Variants in CHRNE observed in about 807,000 individuals in gnomAD.
CHRNE encodes the protein cholinergic receptor nicotinic epsilon subunit.
Under a neutral mutation model 56.5 loss-of-function variants are expected in CHRNE, and 58 were observed. The observed-to-expected ratio is 1.03, with a 90% CI of 0.83 to 1.28. The LOEUF is 1.28. Ranked by LOEUF, CHRNE falls within the 50% of genes most tolerant of loss-of-function variation. The probability of loss-of-function intolerance (pLI) is 0.00; values close to 1 mark genes in which losing one functional copy is unlikely to be tolerated. For missense variants in CHRNE, 793 were observed against 688.9 expected, an observed-to-expected ratio of 1.15 and a Z score of -1.69; for synonymous variants, 385 against 297.9, an observed-to-expected ratio of 1.29 and a Z score of -3.01.
In CHRNE at chr17:4,899,941, C is replaced by A. The variant is rs764007706; in HGVS notation, c.918-359G>T. 15 of 1,550,328 alleles carry A rather than the reference C, an allele frequency of 9.7e-6. No individual in the cohort carries two copies. In the African/African-American group the frequency reaches 1.1e-4, roughly 11 times the overall value. ...CTGCTCTGCTCCTTCTCCAGGTGGC[C>A]CTCCAGCCCCCGCTTCTGTCTTCCC... On this transcript the variant is annotated intron_variant, in intron 8 of 11. Coordinates refer to ENST00000649488, the MANE Select transcript of CHRNE (RefSeq NM_000080.4).
chr17:4,907,379 T>C (rs372245347), upstream of CHRNE, among the ~76,000 whole-genome samples: 34 of 151,322 alleles, frequency 2.2e-4, no homozygotes, highest in East Asian at 1.2e-3. Flanking sequence ...CTGGCTAGCA[T>C]GGTGAAACCC....
chr17:4,902,101 G>C lies in CHRNE; in HGVS notation c.345-14C>G. Reference sequence around the variant, plus strand: ...TGGCCATCAATACTGTGGGCTCGGGGAAACCGAGCTTTTTGCACAGGTCTG... The same window carrying C: ...TGGCCATCAATACTGTGGGCTCGGGCAAACCGAGCTTTTTGCACAGGTCTG... On this transcript the variant is annotated splice_polypyrimidine_tract_variant and intron_variant, in intron 4 of 11. Transcript: ENST00000649488. This position sits in a 1 kb window ranked among gnomAD's most constrained non-coding sequence, Gnocchi z 4.0. 1 of 1,613,772 alleles carries C rather than the reference G, an allele frequency of 6.2e-7. No homozygotes were observed.
chr17:4,899,458 C>G lies in CHRNE; in HGVS notation c.1032+10G>C. On this transcript the variant is annotated intron_variant, in intron 9 of 11. Transcript: ENST00000649488. ...CCCGACCCGGGCTGCACCGCCCCCT[C>G]CGCGCTTACGTGGCGCAGCCGCGGG... 4.4e-6 allele frequency: 7 copies of G among 1,576,878 alleles called. No individual in the cohort carries two copies. Among genetic ancestry groups the G allele is most frequent in the Non-Finnish European group, 6.0e-6 (7 of 1,162,684 alleles).
In CHRNE at chr17:4,902,707, A is replaced by G. The variant is rs144169073; in HGVS notation, c.103T>C (p.Tyr35His). ...CGCACTGGCCGGCTTCCTGGGTCAT[A>G]GTTGTTGAAGAGATGGTGATAAAGA... ...LRLYHHLFNN[Y>H]DPGSRPVREP... Residue 35 changes from tyrosine (Y) to histidine (H), a missense_variant, in exon 2 of 12, where the codon TAT becomes CAT. Physicochemically the swap from Tyr to His is moderately conservative, Grantham distance 83. Transcript: ENST00000649488. This position sits in a 1 kb window ranked among gnomAD's most constrained non-coding sequence, Gnocchi z 4.0. 1,839 of 1,613,994 alleles carry G rather than the reference A, an allele frequency of 1.1e-3. 1 individual carries two copies. Among genetic ancestry groups the G allele is most frequent in the Non-Finnish European group, 1.4e-3 (1,706 of 1,180,006 alleles).
chr17:4,899,365 G>GGCA lies in CHRNE; in HGVS notation c.1049_1051dup (p.Leu350dup), dbSNP rs1450804557. ...CGGCGGCGGGGAGCCCAGGAGGCGC[G>GGCA]GCAGCAGCTCCAGGAGAACCTGGGG... is the stretch of plus-strand genomic sequence containing the variant. On this transcript the variant is annotated inframe_insertion, in exon 10 of 12. Coordinates refer to ENST00000649488, the MANE Select transcript of CHRNE (RefSeq NM_000080.4). 5 of 1,534,296 alleles carry GGCA rather than the reference G, an allele frequency of 3.3e-6. No homozygotes were observed. Among genetic ancestry groups the GGCA allele is most frequent in the Non-Finnish European group, 4.4e-6 (5 of 1,145,856 alleles).
chr17:4,901,691 C>T, intron 5 of CHRNE, 66 bp from the exon 6 acceptor site: 3 of 1,497,132 alleles, frequency 2.0e-6, no homozygotes, highest in Non-Finnish European at 2.8e-6. Flanking sequence ...CAGGCCCAGC[C>T]CTGGAAGCTG....
intron 8 of CHRNE, chr17:4,900,162 C>T: frequency 3.9e-6 from 6 of 1,547,250 alleles, no homozygotes; most frequent in Admixed American, 2.0e-5. Context: ...TACTGGGGGG[C>T]TTAGGATACG....
rs201030784 is a variant in CHRNE at position 4,898,844 on chromosome 17, G to A, written c.1374C>T (p.Cys458=). 648 of 1,594,754 alleles carry A rather than the reference G, an allele frequency of 4.1e-4. 8 individuals are homozygous for A. In the East Asian group the frequency reaches 0.014, roughly 35 times the overall value. ...TGAAGAGCACCAGAGCGGCCCAGAA[G>A]CAGATGTTGTCAAGGGCATTCCCCA... is the stretch of plus-strand genomic sequence containing the variant. ...VRMGNALDNI[C]FWAALVLFSV... The change falls in exon 12 of 12, where the codon TGC becomes TGT. Residue 458 remains cysteine (C), a synonymous_variant. Coordinates refer to ENST00000649488, the MANE Select transcript of CHRNE (RefSeq NM_000080.4).
chr17:4,904,237 C>G (rs1970060098), upstream of CHRNE, among the ~76,000 whole-genome samples: 1 of 151,838 alleles, frequency 6.6e-6, no homozygotes, highest in South Asian at 2.1e-4. Flanking sequence ...CACTCTGTCA[C>G]CCAGACAGGA....
At chr17:4,899,700 GC>G in intron 8 of CHRNE, 118 bp from the exon 9 acceptor site, 1 of 1,479,960 alleles carries the variant, frequency 6.8e-7, no homozygotes, top group East Asian at 2.5e-5. Context: ...CTCCAGCTGC[GC>G]CCCCTACACG....
intron 8 of CHRNE, chr17:4,899,996 T>C (rs1482510427): frequency 3.2e-6 from 5 of 1,551,468 alleles, no homozygotes; most frequent in African/African-American, 2.7e-5. Flanking sequence ...AGCCCATGAA[T>C]ATCTGGAGCA....
chr17:4,898,402 T>C lies in CHRNE; in HGVS notation c.*334A>G, dbSNP rs571770417. On this transcript the variant is annotated 3_prime_UTR_variant, in exon 12 of 12. Transcript: ENST00000649488. ...GTCTCCTGTTTGGCTATGAAATGAA[T>C]ATAGATAGATAGCTCACAAGCTGGC... 9.9e-6 allele frequency: 4 copies of C among 404,996 alleles called. No individual in the cohort carries two copies. The highest frequency in any genetic ancestry group is 8.2e-5 in the African/African-American group (4 of 48,960). The allele number at this position is 404,996 out of a possible 1,614,324, so 25.1% of individuals were successfully genotyped here. A position where few individuals can be genotyped will look rare whatever the true frequency, so the allele number is the denominator to read the frequency against.
chr17:4,899,030 T>C lies in CHRNE; in HGVS notation c.1297A>G (p.Ser433Gly), dbSNP rs1415023192. ...CVDAVNFVAE[S>G]TRDQEATGEE... Reference sequence around the variant, plus strand: ...CCGGTGGCCTCCTGATCTCTCGTGCTCTCGGCCACGAAGTTCACGGCATCC... The same window carrying C: ...CCGGTGGCCTCCTGATCTCTCGTGCCCTCGGCCACGAAGTTCACGGCATCC... The change falls in exon 11 of 12, where the codon AGC becomes GGC. Residue 433 changes from serine to glycine, a missense_variant. Coordinates refer to ENST00000649488, the MANE Select transcript of CHRNE (RefSeq NM_000080.4). The C allele has an allele frequency of 2.5e-6, 4 of 1,609,978 alleles. No individual in the cohort carries two copies. Among genetic ancestry groups the C allele is most frequent in the Non-Finnish European group, 3.4e-6 (4 of 1,178,998 alleles).
upstream of CHRNE, among the ~76,000 whole-genome samples, chr17:4,907,235 TAA>T (rs140995776): frequency 1.0e-4 from 15 of 147,012 alleles, no homozygotes; most frequent in African/African-American, 3.8e-4. Context: ...TTGGGGGAAT[TAA>T]AAAAAAAAGT....
chr17:4,900,658 G>A (rs532968770), intron 8 of CHRNE, 135 bp downstream of exon 8: 203 of 1,438,150 alleles, frequency 1.4e-4, no homozygotes, highest in Non-Finnish European at 1.7e-4. Flanking sequence ...CTCCATCCCC[G>A]TACCAGCCCC....
intron 5 of CHRNE, 140 bp from the exon 6 acceptor site, chr17:4,901,765 T>TTC (rs978630786): frequency 1.4e-4 from 166 of 1,217,090 alleles, no homozygotes; most frequent in Non-Finnish European, 1.9e-4. Flanking sequence ...CACGCCTCTG[T>TTC]TCCCATCTGT....
Position 4,902,106 on chromosome 17 carries a change from C to T in CHRNE, c.345-19G>A, listed in dbSNP as rs201555272. 3.1e-6 allele frequency: 5 copies of T among 1,613,866 alleles called. No individual in the cohort carries two copies. The highest frequency in any genetic ancestry group is 3.3e-5 in the Admixed American group (2 of 59,994). Reference sequence around the variant, plus strand: ...ATCAATACTGTGGGCTCGGGGAAACCGAGCTTTTTGCACAGGTCTGCACCC... The same window carrying T: ...ATCAATACTGTGGGCTCGGGGAAACTGAGCTTTTTGCACAGGTCTGCACCC... On this transcript the variant is annotated intron_variant, in intron 4 of 11. Transcript: ENST00000649488. This position sits in a 1 kb window ranked among gnomAD's most constrained non-coding sequence, Gnocchi z 4.0.
chr17:4,899,873 T>C lies in CHRNE; in HGVS notation c.918-291A>G, dbSNP rs554023721. ...GGGCTGCACCTCGAGACCTTCTGGG[T>C]AGGTCTCCTGTTCGCCCCTGTGACC... is the stretch of plus-strand genomic sequence containing the variant. On this transcript the variant is annotated intron_variant, in intron 8 of 11. Coordinates refer to ENST00000649488, the MANE Select transcript of CHRNE (RefSeq NM_000080.4). 2.6e-6 allele frequency: 4 copies of C among 1,543,260 alleles called. No individual in the cohort carries two copies. In the East Asian group the frequency reaches 7.3e-5, roughly 28 times the overall value.
chr17:4,900,666 C>A (rs1969950885), intron 8 of CHRNE, 127 bp downstream of exon 8: 1 of 1,442,402 alleles, frequency 6.9e-7, no homozygotes, highest in Non-Finnish European at 9.5e-7. Flanking sequence ...CCGTACCAGC[C>A]CCACCCAGCG....
Sources: gnomAD v4.1 joint callset for allele counts (sites outside exome capture counted in the v4.1 genomes callset) on GRCh38, gnomAD v4.1.1 for gene constraint, Gnocchi (gnomAD v3.1) non-coding constraint, MANE v1.5 for transcripts, NCBI Gene and HGNC (gene_info 2026-07-23, HGNC 2026-07-21) for gene names.